NEK5: variants seen among roughly 807,000 people sequenced by gnomAD.
NEK5 encodes the protein NIMA related kinase 5.
A neutral mutation model predicts 109.2 loss-of-function variants in NEK5; 88 were observed. The ratio of observed to expected loss-of-function variants is 0.81; its 90% CI spans 0.68 to 0.96. The LOEUF (loss-of-function observed/expected upper bound fraction) is 0.96. NEK5 is among the 40% of genes least tolerant of loss of function. NEK5 has a pLI of 0.00. For missense variants in NEK5, 834 were observed against 920.7 expected (o/e 0.91, Z 1.22); for synonymous variants, 283 against 299.9 (o/e 0.94, Z 0.58).
intron 17 of NEK5, among the ~76,000 whole-genome samples, chr13:52,080,518 T>C (rs1485614983): frequency 1.3e-5 from 2 of 152,168 alleles, no homozygotes; most frequent in South Asian, 4.2e-4. Flanking sequence ...GAGGTAGACA[T>C]GGGAGACTTT....
intron 16 of NEK5, 119 bp from the exon 17 acceptor site, chr13:52,083,471 T>G (rs950594835): frequency 1.6e-6 from 1 of 628,792 alleles, no homozygotes; most frequent in African/African-American, 1.8e-5. Context: ...TAGCTCCTTT[T>G]CCCCGCCACA....
intron 16 of NEK5, 107 bp downstream of exon 16, chr13:52,086,170 G>T (rs41292798): frequency 0.11 from 86,133 of 789,300 alleles, 5,095 homozygotes; most frequent in Middle Eastern, 0.15. Flanking sequence ...TTATCTCTAT[G>T]ATAAAACTTT....
chr13:52,097,238 C>T (rs982364454), intron 12 of NEK5, among the ~76,000 whole-genome samples: 1 of 152,240 alleles, frequency 6.6e-6, no homozygotes, highest in African/African-American at 2.4e-5. Flanking sequence ...GGAGCCTCCA[C>T]ACAGAGTCCC....
chr13:52,044,684 G>A (rs1841740835), intron 23 of NEK5, among the ~76,000 whole-genome samples: 1 of 152,212 alleles, frequency 6.6e-6, no homozygotes, highest in South Asian at 2.1e-4. Flanking sequence ...CCAAGATAGA[G>A]AAGGGCTTAT....
chr13:52,117,526 T>C (rs1460982664), intron 4 of NEK5, among the ~76,000 whole-genome samples: 1 of 152,202 alleles, frequency 6.6e-6, no homozygotes, highest in Non-Finnish European at 1.5e-5. Context: ...ATGACCTTAG[T>C]TCTGCAAAAG....
chr13:52,069,755 T>G (rs1375271328), intron 20 of NEK5, among the ~76,000 whole-genome samples: 4 of 152,202 alleles, frequency 2.6e-5, no homozygotes, highest in Non-Finnish European at 5.9e-5. Flanking sequence ...CTCATGCACT[T>G]GGACTCTTCT....
intron 14 of NEK5, among the ~76,000 whole-genome samples, chr13:52,088,947 T>A (rs1364078644): frequency 6.6e-6 from 1 of 151,694 alleles, no homozygotes; most frequent in Non-Finnish European, 1.5e-5. Flanking sequence ...AGAAGTTAGC[T>A]GGGCGTGGTG....
At position 52,062,431 on chromosome 13, in the gene NEK5, C is replaced by CT. The variant is rs35081117; in HGVS notation, c.1976-479dup. On this transcript the variant is annotated intron_variant, in intron 21 of 23. Coordinates refer to ENST00000684899, the MANE Select transcript of NEK5 (RefSeq NM_001365552.1). ...GCCCTCTTCTTTTTTTTCTTTCTTT[C>CT]TTTTTTTTTTTGAGACAGAGTCTCA... Among the ~76,000 whole-genome samples, 1,088 of 145,654 alleles carry CT rather than the reference C, an allele frequency of 7.5e-3. 7 individuals carry two copies. The highest frequency in any genetic ancestry group is 0.029 in the South Asian group (129 of 4,526).
intron 20 of NEK5, 68 bp downstream of exon 20, chr13:52,071,876 G>C: frequency 7.1e-7 from 1 of 1,411,574 alleles, no homozygotes; most frequent in South Asian, 1.2e-5. Flanking sequence ...GATGCATGGG[G>C]ACAGAGTTCA....
chr13:52,076,004 C>G, intron 18 of NEK5, 59 bp downstream of exon 18: 1 of 1,125,434 alleles, frequency 8.9e-7, no homozygotes, highest in Non-Finnish European at 1.3e-6. Context: ...ACCGAGATCA[C>G]AAGGTGGCTC....
chr13:52,046,353 T>C (rs1481964000), intron 23 of NEK5, among the ~76,000 whole-genome samples: 2 of 150,140 alleles, frequency 1.3e-5, no homozygotes, highest in African/African-American at 4.9e-5. Flanking sequence ...GGTGCATGCC[T>C]ATACTCCCAG....
intron 17 of NEK5, among the ~76,000 whole-genome samples, chr13:52,078,410 G>A (rs1307592955): frequency 6.6e-6 from 1 of 152,164 alleles, no homozygotes; most frequent in Non-Finnish European, 1.5e-5. Flanking sequence ...GAGATGGGAG[G>A]AGAGGTAGGG....
At chr13:52,093,288 A>T in intron 12 of NEK5, 53 bp from the exon 13 acceptor site, 2 of 1,367,882 alleles carry the variant, frequency 1.5e-6, no homozygotes, top group Non-Finnish European at 2.1e-6. Flanking sequence ...GGCTGGGTGC[A>T]GTGGCTCACA....
intron 4 of NEK5, among the ~76,000 whole-genome samples, chr13:52,114,501 T>G (rs768474794): frequency 6.6e-6 from 1 of 152,216 alleles, no homozygotes; most frequent in Non-Finnish European, 1.5e-5. Context: ...CTCTCTTCTT[T>G]AAGAGACGAT....
chr13:52,059,990 A>T (rs2137732527), intron 22 of NEK5, among the ~76,000 whole-genome samples: 1 of 151,608 alleles, frequency 6.6e-6, no homozygotes, highest in Non-Finnish European at 1.5e-5. Context: ...AATCATAATA[A>T]TAATTAGGTT....
chr13:52,052,854 C>CT (rs200922878), intron 22 of NEK5, among the ~76,000 whole-genome samples: 14 of 151,312 alleles, frequency 9.3e-5, no homozygotes, highest in South Asian at 2.1e-4. Context: ...TTGACTGTGC[C>CT]TTTTTTTTTC....
intron 17 of NEK5, among the ~76,000 whole-genome samples, chr13:52,077,248 C>T (rs1954885117): frequency 6.6e-6 from 1 of 152,198 alleles, no homozygotes; most frequent in Non-Finnish European, 1.5e-5. Flanking sequence ...GCACTGAAAA[C>T]GTATGCTTTC....
At chr13:52,101,857 G>T in intron 11 of NEK5, 76 bp downstream of exon 11, 1 of 1,200,124 alleles carries the variant, frequency 8.3e-7, no homozygotes, top group Non-Finnish European at 1.2e-6. Flanking sequence ...TATGTTTGGT[G>T]AAATTTCCTT....
intron 11 of NEK5, among the ~76,000 whole-genome samples, 191 bp downstream of exon 11, chr13:52,101,742 A>G (rs770372613): frequency 3.9e-5 from 6 of 152,182 alleles, no homozygotes; most frequent in Non-Finnish European, 8.8e-5. Context: ...CAGGTCATGC[A>G]TGAGCTAGAT....
Sources: gnomAD v4.1 joint callset for allele counts (sites outside exome capture counted in the v4.1 genomes callset) on GRCh38, gnomAD v4.1.1 for gene constraint, MANE v1.5 for transcripts, NCBI Gene and HGNC (gene_info 2026-07-23, HGNC 2026-07-21) for gene names.